Variants in SLC8A3 observed in about 807,000 individuals in gnomAD.
SLC8A3 encodes the protein sodium/calcium exchanger 3.
A neutral mutation model predicts 65.4 loss-of-function variants in SLC8A3; 37 were observed. The observed-to-expected ratio is 0.57, with a 90% confidence interval of 0.44 to 0.74. The LOEUF (loss-of-function observed/expected upper bound fraction) is 0.74. Among genes scored for constraint, SLC8A3 ranks in the 30% least tolerant of loss-of-function variants. The pLI is 0.00. For missense variants in SLC8A3, 1,112 were observed against 1,172.1 expected (o/e 0.95, Z 0.75); for synonymous variants, 461 against 444.5 (o/e 1.04, Z -0.47).
intron 2 of SLC8A3, chr14:70,079,944 G>T (rs1890904162): frequency 4.6e-6 from 1 of 217,650 alleles, no homozygotes; most frequent in Non-Finnish European, 7.8e-6. Context: ...ATAGCTGTGT[G>T]ACCTTGGCCA....
At chr14:70,053,703 C>A (rs1887753267) in intron 3 of SLC8A3, among the ~76,000 whole-genome samples, 3 of 152,246 alleles carry the variant, frequency 2.0e-5, no homozygotes, top group African/African-American at 4.8e-5. Flanking sequence ...CTGTCCACCT[C>A]TGTGGTGACA....
intron 2 of SLC8A3, among the ~76,000 whole-genome samples, chr14:70,127,804 G>T (rs1211904668): frequency 1.3e-5 from 2 of 152,168 alleles, no homozygotes; most frequent in African/African-American, 4.8e-5. Flanking sequence ...GAAGCGTATT[G>T]TGAGGAGAAA....
At chr14:70,086,852 T>C (rs1231942184) in intron 2 of SLC8A3, among the ~76,000 whole-genome samples, 1 of 152,234 alleles carries the variant, frequency 6.6e-6, no homozygotes, top group Non-Finnish European at 1.5e-5. Context: ...CCAAGCCTTC[T>C]GCTCTGGGAA....
intron 2 of SLC8A3, among the ~76,000 whole-genome samples, chr14:70,079,330 C>CAAAAAA (rs11464342): frequency 1.6e-4 from 13 of 80,924 alleles, no homozygotes; most frequent in East Asian, 3.9e-4. Flanking sequence ...CTAAAAAATA[C>CAAAAAA]AAAAAAAAAA....
intron 2 of SLC8A3, among the ~76,000 whole-genome samples, chr14:70,149,392 A>C (rs1335807739): frequency 1.3e-5 from 2 of 152,218 alleles, no homozygotes; most frequent in Non-Finnish European, 2.9e-5. Context: ...GTCTTGCTCC[A>C]GATCACTTGG....
intron 2 of SLC8A3, among the ~76,000 whole-genome samples, chr14:70,126,547 T>TTCTCTCTCTC (rs36183214): frequency 0.17 from 19,218 of 115,874 alleles, 1,604 homozygotes; most frequent in East Asian, 0.24. Context: ...AGAAAGAAAA[T>TTCTCTCTCTC]TCTCTCTCTC....
At chr14:70,136,333 T>G (rs567905011) in intron 2 of SLC8A3, among the ~76,000 whole-genome samples, 1 of 152,296 alleles carries the variant, frequency 6.6e-6, no homozygotes, top group East Asian at 1.9e-4. Context: ...AGGCAATACA[T>G]TTTTGTTGTT....
intron 1 of SLC8A3, among the ~76,000 whole-genome samples, chr14:70,175,548 T>C (rs2140411827): frequency 6.6e-6 from 1 of 152,194 alleles, no homozygotes; most frequent in Admixed American, 6.5e-5. Flanking sequence ...TGGGAAGCCT[T>C]CCCCGAAAAT....
At chr14:70,126,575 C>A (rs1894469473) in intron 2 of SLC8A3, among the ~76,000 whole-genome samples, 1 of 55,832 alleles carries the variant, frequency 1.8e-5, no homozygotes, top group Admixed American at 2.3e-4. Flanking sequence ...CTCTCTCACA[C>A]ACACACACAC....
At chr14:70,128,187 C>A (rs894242085) in intron 2 of SLC8A3, among the ~76,000 whole-genome samples, 1 of 152,208 alleles carries the variant, frequency 6.6e-6, no homozygotes, top group African/African-American at 2.4e-5. Flanking sequence ...TTCCACCATA[C>A]CACTTGGTAT....
chr14:70,086,426 G>T, intron 2 of SLC8A3, among the ~76,000 whole-genome samples: 1 of 122,920 alleles, frequency 8.1e-6, no homozygotes, highest in East Asian at 2.2e-4. Context: ...TTTTGAGATG[G>T]AGTCTCACTC....
intron 2 of SLC8A3, among the ~76,000 whole-genome samples, chr14:70,141,730 T>G (rs1255271771): frequency 2.0e-5 from 3 of 152,164 alleles, no homozygotes; most frequent in African/African-American, 7.2e-5. Context: ...GGAAATAGCG[T>G]TTAGTTTTAA....
intron 1 of SLC8A3, among the ~76,000 whole-genome samples, chr14:70,183,896 C>T (rs547829150): frequency 4.3e-4 from 66 of 152,308 alleles, no homozygotes; most frequent in Middle Eastern, 3.4e-3. Context: ...GCAACCTTGG[C>T]ATTATCAGTG....
Position 70,046,356 on chromosome 14 carries a change from A to G in SLC8A3, c.2390-33T>C. The G allele has an allele frequency of 6.4e-7, 1 of 1,563,978 alleles. No homozygotes were observed. On this transcript the variant is annotated intron_variant, in intron 6 of 6. Transcript: ENST00000356921. The surrounding 1 kb of genome is among the most constrained non-coding windows in gnomAD (Gnocchi z 4.2). ...AGGACAAAGACACATGGGAACTGGT[A>G]GGAGGCTAAGGTGTGCAGGGCTTGT...
chr14:70,182,536 T>A (rs1456826531), intron 1 of SLC8A3, among the ~76,000 whole-genome samples: 3 of 132,126 alleles, frequency 2.3e-5, no homozygotes, highest in Admixed American at 8.2e-5. Flanking sequence ...TAATGGTCAA[T>A]ATTATCTGGT....
chr14:70,108,911 T>G (rs1337158070), intron 2 of SLC8A3, among the ~76,000 whole-genome samples: 1 of 152,194 alleles, frequency 6.6e-6, no homozygotes, highest in Admixed American at 6.5e-5. Context: ...ATGTTCCCTC[T>G]GCCTAGACTG....
intron 2 of SLC8A3, among the ~76,000 whole-genome samples, chr14:70,147,916 A>G (rs1288640413): frequency 6.6e-6 from 1 of 152,236 alleles, no homozygotes; most frequent in African/African-American, 2.4e-5. Context: ...CAGGGTTCAA[A>G]CACAGGTCCA....
intron 2 of SLC8A3, among the ~76,000 whole-genome samples, chr14:70,065,358 C>T (rs779581987): frequency 1.3e-5 from 2 of 152,086 alleles, no homozygotes; most frequent in Non-Finnish European, 2.9e-5. Context: ...GTCCCTGCCA[C>T]CCCACCACAT....
chr14:70,051,846 G>A, intron 4 of SLC8A3, 144 bp downstream of exon 4: 1 of 631,946 alleles, frequency 1.6e-6, no homozygotes, highest in Non-Finnish European at 2.7e-6. Context: ...TACAAATGGG[G>A]AAACTGAGAC....
Sources: allele counts gnomAD v4.1 joint callset (sites outside exome capture counted in the v4.1 genomes callset), GRCh38; gene constraint gnomAD v4.1.1; non-coding constraint Gnocchi (gnomAD v3.1); transcripts MANE v1.5; gene names NCBI Gene and HGNC (gene_info 2026-07-23, HGNC 2026-07-21).